The following DPP8 variants were observed in gnomAD, a reference collection of about 807,000 sequenced individuals.
DPP8 encodes the protein DPP VIII.
In DPP8, 31 loss-of-function variants were observed where a neutral mutation model predicts 107.5. The observed-to-expected ratio is 0.29, with a 90% confidence interval of 0.22 to 0.39. DPP8 has a LOEUF of 0.39. DPP8 is among the 10% of genes least tolerant of loss of function. The pLI is 1.00. For missense variants in DPP8, 842 were observed against 1,076.1 expected (o/e 0.78, Z 3.04); for synonymous variants, 381 against 356.6 (o/e 1.07, Z -0.77).
At chr15:65,481,697 T>G (rs551568452) in intron 8 of DPP8, 82 bp from the exon 9 acceptor site, 15 of 866,870 alleles carry the variant, frequency 1.7e-5, no homozygotes, top group Non-Finnish European at 2.1e-5. Flanking sequence ...TAACAATTTA[T>G]CCAAAAAGCA....
intron 5 of DPP8, among the ~76,000 whole-genome samples, chr15:65,493,616 T>C (rs934571942): frequency 6.6e-6 from 1 of 152,138 alleles, no homozygotes; most frequent in Non-Finnish European, 1.5e-5. Flanking sequence ...GTTTTCAAAG[T>C]GTTTTGAATT....
chr15:65,507,658 A>G (rs886908090), intron 2 of DPP8, among the ~76,000 whole-genome samples: 1 of 143,124 alleles, frequency 7.0e-6, no homozygotes, highest in Non-Finnish European at 1.5e-5. Flanking sequence ...TCCCAACTTA[A>G]AAAAAAAAAA....
intron 3 of DPP8, among the ~76,000 whole-genome samples, chr15:65,502,452 T>C (rs190670822): frequency 9.7e-4 from 148 of 152,086 alleles, no homozygotes; most frequent in Middle Eastern, 3.4e-3. Flanking sequence ...TCAAGGCAGG[T>C]GGATCACCCG....
At chr15:65,496,724 C>T (rs1309094721) in intron 5 of DPP8, among the ~76,000 whole-genome samples, 2 of 151,578 alleles carry the variant, frequency 1.3e-5, no homozygotes, top group African/African-American at 4.9e-5. Flanking sequence ...AATCACGTTT[C>T]ACTTTAGCCT....
At chr15:65,498,599 A>G (rs2068841911) in intron 4 of DPP8, among the ~76,000 whole-genome samples, 1 of 152,200 alleles carries the variant, frequency 6.6e-6, no homozygotes, top group South Asian at 2.1e-4. Flanking sequence ...TTGTTGCCCA[A>G]CCTGTTTAAG....
chr15:65,501,509 T>A (rs1424201174), intron 3 of DPP8, among the ~76,000 whole-genome samples: 3 of 152,206 alleles, frequency 2.0e-5, no homozygotes, highest in Non-Finnish European at 4.4e-5. Context: ...TATTCAAAAG[T>A]AATTTTCTTC....
intron 5 of DPP8, among the ~76,000 whole-genome samples, chr15:65,495,323 T>A (rs1346452838): frequency 6.6e-6 from 1 of 152,178 alleles, no homozygotes; most frequent in Non-Finnish European, 1.5e-5. Flanking sequence ...ACCCTATGTC[T>A]GGCCAGGTGC....
chr15:65,500,647 C>T lies in DPP8; in HGVS notation c.505G>A (p.Gly169Arg). ...SGTFLFQAGS[G>R]IYHVKDGGPQ... ...CCTCCATCTTTTACGTGATAAATTCCACTACCGGCTTGAAACAGAAATGTT... is the reference window on the plus strand; with the variant it reads ...CCTCCATCTTTTACGTGATAAATTCTACTACCGGCTTGAAACAGAAATGTT... The change falls in exon 4 of 20, where the codon GGA becomes AGA. Residue 169 changes from glycine to arginine, a missense_variant. Coordinates refer to ENST00000300141, the MANE Select transcript of DPP8 (RefSeq NM_130434.5). The T allele has an allele frequency of 1.2e-6, 2 of 1,614,042 alleles. No homozygotes were observed. The highest frequency in any genetic ancestry group is 1.7e-6 in the Non-Finnish European group (2 of 1,179,966).
chr15:65,468,543 T>A (rs886446397), intron 12 of DPP8, among the ~76,000 whole-genome samples: 2 of 151,670 alleles, frequency 1.3e-5, no homozygotes, highest in Non-Finnish European at 2.9e-5. Flanking sequence ...AAAACACATA[T>A]AAATTTCTAA....
rs1432859507 is a variant in DPP8 at position 65,507,468 on chromosome 15, G to A, written c.260-113C>T. The A allele has an allele frequency of 3.1e-5, 18 of 580,166 alleles. No individual in the cohort carries two copies. The East Asian group carries it at 4.9e-4, about 16-fold the overall frequency. 35.9% of individuals were successfully genotyped at this position (580,166 alleles called of 1,614,324 possible). On this transcript the variant is annotated intron_variant, in intron 2 of 19. Transcript: ENST00000300141. ...CACTGCAATATTTTGCACTCTATGG[G>A]ATATATAATGAATGTTAACAAGTAG...
At chr15:65,459,573 G>A (rs1337875389) in intron 15 of DPP8, 1 of 152,132 alleles carries the variant, frequency 6.6e-6, no homozygotes, top group African/African-American at 2.4e-5. Flanking sequence ...AAAACCACAT[G>A]GTGAAATTCA....
chr15:65,504,381 T>C (rs1382403818), intron 3 of DPP8, among the ~76,000 whole-genome samples: 4 of 109,798 alleles, frequency 3.6e-5, no homozygotes, highest in Admixed American at 9.5e-5. Flanking sequence ...AAAAAAAAAA[T>C]TGTGGTAGGG....
intron 1 of DPP8, chr15:65,516,781 T>C (rs980153305): frequency 6.6e-6 from 1 of 152,224 alleles, no homozygotes; most frequent in Non-Finnish European, 1.5e-5. Flanking sequence ...TATCTCATTC[T>C]TTAGGGTCCA....
At chr15:65,463,665 G>A (rs2065099555) in intron 15 of DPP8, 96 bp downstream of exon 15, 1 of 1,077,144 alleles carries the variant, frequency 9.3e-7, no homozygotes, top group Admixed American at 2.5e-5. Context: ...GCCCAACAAT[G>A]CTCAAAATCT....
chr15:65,498,150 G>A (rs2068794702), intron 4 of DPP8, 118 bp from the exon 5 acceptor site: 1 of 730,850 alleles, frequency 1.4e-6, no homozygotes. Flanking sequence ...GGCCGGGCGT[G>A]GTGACTTACG....
intron 19 of DPP8, among the ~76,000 whole-genome samples, chr15:65,448,539 G>A (rs1187353310): frequency 2.0e-5 from 3 of 150,914 alleles, no homozygotes; most frequent in Non-Finnish European, 3.0e-5. Context: ...AGGCGTGGTG[G>A]CGGGCACCGG....
At chr15:65,484,197 G>A (rs2067189861) in intron 8 of DPP8, among the ~76,000 whole-genome samples, 1 of 151,930 alleles carries the variant, frequency 6.6e-6, no homozygotes, top group East Asian at 1.9e-4. Context: ...GTGTGGTGGT[G>A]CGCCTGTAAT....
chr15:65,479,507 T>C (rs1258979412), intron 10 of DPP8, among the ~76,000 whole-genome samples: 1 of 152,206 alleles, frequency 6.6e-6, no homozygotes, highest in African/African-American at 2.4e-5. Context: ...TTGTATCTTA[T>C]TTAAATTTGT....
intron 11 of DPP8, 93 bp from the exon 12 acceptor site, chr15:65,474,381 A>G (rs2066194665): frequency 2.1e-6 from 2 of 937,136 alleles, no homozygotes; most frequent in Non-Finnish European, 3.3e-6. Context: ...TTTTTTCCAA[A>G]AAGTTATGTT....
Sources: allele counts gnomAD v4.1 joint callset (sites outside exome capture counted in the v4.1 genomes callset), GRCh38; gene constraint gnomAD v4.1.1; transcripts MANE v1.5; gene names NCBI Gene and HGNC (gene_info 2026-07-23, HGNC 2026-07-21).